Variants in DMAC2 observed in about 807,000 individuals in gnomAD.
DMAC2 encodes the protein distal membrane arm assembly component 2.
A neutral mutation model predicts 29.6 loss-of-function variants in DMAC2; 32 were observed. The ratio of observed to expected loss-of-function variants is 1.08; its 90% CI spans 0.81 to 1.45. The LOEUF is 1.45. DMAC2 is among the 40% of genes most tolerant of loss of function. The probability of loss-of-function intolerance (pLI) is 0.00; values close to 1 mark genes in which losing one functional copy is unlikely to be tolerated. For missense variants in DMAC2, 319 were observed against 340.0 expected, an observed-to-expected ratio of 0.94 and a Z score of 0.49; for synonymous variants, 133 against 137.4, an observed-to-expected ratio of 0.97 and a Z score of 0.23.
At chr19:41,433,199 A>G (rs538941068) in intron 5 of DMAC2, 73 bp downstream of exon 5, 2 of 1,476,290 alleles carry the variant, frequency 1.4e-6, no homozygotes, top group East Asian at 4.9e-5. Context: ...GCCCCTCCCC[A>G]CTTCCTCTCC....
At chr19:41,439,250 C>A (rs1555772233) in intron 1 of DMAC2, 2 of 447,824 alleles carry the variant, frequency 4.5e-6, no homozygotes, top group African/African-American at 2.1e-5. Context: ...GATAATTTTA[C>A]CCAAACCCTT....
At chr19:41,432,755 T>G in intron 5 of DMAC2, 1 of 423,998 alleles carries the variant, frequency 2.4e-6, no homozygotes, top group Non-Finnish European at 4.2e-6. Flanking sequence ...AGCGTGTGCG[T>G]GTGTGTAGGG....
chr19:41,432,490 G>T, intron 5 of DMAC2, 82 bp from the exon 6 acceptor site: 1 of 958,728 alleles, frequency 1.0e-6, no homozygotes, highest in Non-Finnish European at 1.5e-6. Flanking sequence ...CAGCGTGTGC[G>T]TGTGTGTGTG....
chr19:41,437,652 T>G (rs1253723989), intron 2 of DMAC2, among the ~76,000 whole-genome samples: 1 of 151,210 alleles, frequency 6.6e-6, no homozygotes, highest in Non-Finnish European at 1.5e-5. Context: ...TGAGCTTAGA[T>G]TGCGCCACTA....
intron 1 of DMAC2, 56 bp from the exon 2 acceptor site, chr19:41,438,470 C>G: frequency 7.0e-7 from 1 of 1,432,568 alleles, no homozygotes; most frequent in Non-Finnish European, 9.5e-7. Flanking sequence ...AGACACAGAG[C>G]TGGATCCCCC....
intron 3 of DMAC2, among the ~76,000 whole-genome samples, chr19:41,435,812 C>T (rs557736090): frequency 2.6e-5 from 4 of 152,084 alleles, no homozygotes; most frequent in African/African-American, 4.8e-5. Flanking sequence ...CTTCCTGTCT[C>T]GGCCTCCCAA....
intron 1 of DMAC2, chr19:41,439,466 T>G: frequency 2.0e-6 from 3 of 1,536,314 alleles, no homozygotes; most frequent in Non-Finnish European, 2.6e-6. Flanking sequence ...CCCACTAACT[T>G]TCCTTACATT....
intron 3 of DMAC2, 79 bp from the exon 4 acceptor site, chr19:41,433,752 C>G: frequency 6.3e-7 from 1 of 1,576,794 alleles, no homozygotes; most frequent in South Asian, 1.1e-5. Context: ...CTTCCCCAGC[C>G]CTATATAATA....
intron 1 of DMAC2, chr19:41,439,667 T>C: frequency 7.5e-7 from 1 of 1,333,136 alleles, no homozygotes. Flanking sequence ...AGTCCCTGCC[T>C]CCTCTCGCTC....
chr19:41,439,675 C>A (rs2040052865), intron 1 of DMAC2: 2 of 1,328,066 alleles, frequency 1.5e-6, no homozygotes, highest in East Asian at 5.0e-5. Context: ...CCTCCTCTCG[C>A]TCGCTAAAGC....
intron 5 of DMAC2, chr19:41,432,764 G>T (rs2039619641): frequency 4.7e-6 from 2 of 423,976 alleles, no homozygotes; most frequent in Non-Finnish European, 4.2e-6. Context: ...GTGTGTGTAG[G>T]GAGGTACAGG....
chr19:41,434,825 T>G (rs1346312044), intron 3 of DMAC2, among the ~76,000 whole-genome samples: 1 of 151,880 alleles, frequency 6.6e-6, no homozygotes, highest in African/African-American at 2.4e-5. Context: ...GCCAACATGG[T>G]AAAACCCTGT....
At chr19:41,437,339 T>A (rs1436516985) in intron 2 of DMAC2, among the ~76,000 whole-genome samples, 1 of 151,806 alleles carries the variant, frequency 6.6e-6, no homozygotes, top group African/African-American at 2.4e-5. Flanking sequence ...GAGATTGCAA[T>A]GAGCCATGAT....
rs200031507 is a variant in DMAC2 at position 41,435,007 on chromosome 19, C to CAA, written c.297-1336_297-1335dup. On this transcript the variant is annotated intron_variant, in intron 3 of 5. Coordinates refer to ENST00000221943, the MANE Select transcript of DMAC2 (RefSeq NM_018035.3). ...GGCGACAAGAGCAAGACTCTTGTCTCAAAAAAAAAAAAAAATTATTGAGCA... is the reference window on the plus strand; with the variant it reads ...GGCGACAAGAGCAAGACTCTTGTCTCAAAAAAAAAAAAAAAAATTATTGAGCA... Among the ~76,000 whole-genome samples, 1,246 of 135,134 alleles carry CAA rather than the reference C, an allele frequency of 9.2e-3. 7 individuals are homozygous for CAA. The highest frequency in any genetic ancestry group is 0.02 in the Middle Eastern group (5 of 254). 88.7% of individuals were successfully genotyped at this position (135,134 alleles called of 152,430 possible). A position where few individuals can be genotyped will look rare whatever the true frequency, so the allele number is the denominator to read the frequency against.
intron 2 of DMAC2, 101 bp from the exon 3 acceptor site, chr19:41,436,573 CACAG>C (rs1281462796): frequency 2.0e-5 from 19 of 936,544 alleles, no homozygotes; most frequent in Admixed American, 5.9e-5. Flanking sequence ...GAACCAGGCA[CACAG>C]ACAGATTCAG....
chr19:41,432,706 C>CGTGTGTGTGTGTGTGTGTGT (rs72065187), intron 5 of DMAC2: 3 of 209,084 alleles, frequency 1.4e-5, no homozygotes, highest in Admixed American at 1.6e-4. Flanking sequence ...ATAAGGACAG[C>CGTGTGTGTGTGTGTGTGTGT]GTGTGTGTGT....
chr19:41,439,655 C>G, intron 1 of DMAC2: 2 of 1,364,566 alleles, frequency 1.5e-6, no homozygotes, highest in Non-Finnish European at 2.0e-6. Flanking sequence ...TACTCTCAGC[C>G]AAGTCCCTGC....
intron 3 of DMAC2, among the ~76,000 whole-genome samples, chr19:41,434,955 G>A (rs1420226385): frequency 2.0e-5 from 3 of 150,992 alleles, no homozygotes; most frequent in East Asian, 2.0e-4. Context: ...GCAGTGAGCC[G>A]AGATTGTGCC....
chr19:41,433,153 G>T, intron 5 of DMAC2, 119 bp downstream of exon 5: 1 of 1,112,194 alleles, frequency 9.0e-7, no homozygotes, highest in Non-Finnish European at 1.2e-6. Context: ...CTAGGTTTGT[G>T]ATGGATGCAG....
Sources: gnomAD v4.1 joint callset for allele counts (sites outside exome capture counted in the v4.1 genomes callset) on GRCh38, gnomAD v4.1.1 for gene constraint, MANE v1.5 for transcripts, NCBI Gene and HGNC (gene_info 2026-07-23, HGNC 2026-07-21) for gene names.